The following FEM1C variants were observed in gnomAD, a reference collection of about 807,000 sequenced individuals.
FEM1C encodes fem-1 homolog C.
Under a neutral mutation model 37.6 loss-of-function variants are expected in FEM1C, and 15 were observed. The observed-to-expected ratio is 0.40, with a 90% CI of 0.27 to 0.61. The LOEUF is 0.61. FEM1C is among the 20% of genes least tolerant of loss of function. The probability of loss-of-function intolerance (pLI) is 0.42; values close to 1 mark genes in which losing one functional copy is unlikely to be tolerated. For synonymous variants in FEM1C, 287 were observed against 272.8 expected (o/e 1.05, Z -0.51); for missense variants, 532 against 749.7 (o/e 0.71, Z 3.39).
At chr5:115,529,176 T>TAA in intron 2 of FEM1C, among the ~76,000 whole-genome samples, 1 of 152,196 alleles carries the variant, frequency 6.6e-6, no homozygotes, top group African/African-American at 2.4e-5. Flanking sequence ...GATGAAAGCT[T>TAA]AAACTGCAAA....
At chr5:115,527,880 A>G (rs780020074) in intron 2 of FEM1C, among the ~76,000 whole-genome samples, 1 of 151,856 alleles carries the variant, frequency 6.6e-6, no homozygotes, top group Non-Finnish European at 1.5e-5. Context: ...ACGCGCCTGT[A>G]GTCCCAGCTA....
At chr5:115,533,954 AT>A (rs890836376) in intron 2 of FEM1C, among the ~76,000 whole-genome samples, 53 of 151,988 alleles carry the variant, frequency 3.5e-4, no homozygotes, top group African/African-American at 1.3e-3. Context: ...AAAAAAAAAA[AT>A]TTCATGATTT....
At position 115,525,097 on chromosome 5, in the gene FEM1C, T is replaced by A; in HGVS notation, c.1065A>T (p.Lys355Asn). 5 of 1,613,822 alleles carry A rather than the reference T, an allele frequency of 3.1e-6. No homozygotes were observed. The highest frequency in any genetic ancestry group is 4.2e-6 in the Non-Finnish European group (5 of 1,179,850). The change falls in exon 3 of 3, where the codon AAA becomes AAT. Residue 355 changes from lysine (K) to asparagine (N), a missense_variant. By Grantham distance (94) the Lys-to-Asn change is moderately conservative. Around this residue, in one of 3 missense-constraint regions of FEM1C, gnomAD observed 221 missense variants for 404.1 expected, o/e 0.55. Coordinates refer to ENST00000274457, the MANE Select transcript of FEM1C (RefSeq NM_020177.3). ...CATACTTCCATAGGTTGATGCATCG[T>A]TTGAAATTTCCAGAGTCTGCATAGA... ...GAVYADSGNFKRCINLWKYAL... is the reference protein window; with the variant it reads ...GAVYADSGNFNRCINLWKYAL...
chr5:115,542,196 T>C (rs1754256221), intron 2 of FEM1C, among the ~76,000 whole-genome samples: 2 of 152,198 alleles, frequency 1.3e-5, no homozygotes, highest in South Asian at 4.1e-4. Flanking sequence ...TTTAGTTTAT[T>C]ACAATCAACA....
chr5:115,530,581 G>C (rs1400245723), intron 2 of FEM1C, among the ~76,000 whole-genome samples: 2 of 152,048 alleles, frequency 1.3e-5, no homozygotes, highest in African/African-American at 4.8e-5. Flanking sequence ...TTTGCCCCCA[G>C]GGATACAGGG....
At position 115,544,708 on chromosome 5, in the gene FEM1C, C is replaced by G. The variant is rs1448342952; in HGVS notation, c.-376G>C. ...GCGCTGTTCGCCACGCCCCGCCACC[C>G]GAGCTGCCTCCCGCCCTTAGTCGGC... is the stretch of plus-strand genomic sequence containing the variant. On this transcript the variant is annotated 5_prime_UTR_variant, in exon 1 of 3. Transcript: ENST00000274457. The G allele has an allele frequency of 2.0e-5, 3 of 153,184 alleles. No individual in the cohort carries two copies. Among genetic ancestry groups the G allele is most frequent in the Non-Finnish European group, 2.9e-5 (2 of 68,796 alleles). The allele number at this position is 153,184 out of a possible 1,614,324, so 9.5% of individuals were successfully genotyped here.
At chr5:115,544,383 C>G (rs550470310) in intron 1 of FEM1C, 140 bp downstream of exon 1, 1 of 158,872 alleles carries the variant, frequency 6.3e-6, no homozygotes, top group South Asian at 2.0e-4. Context: ...CGACCACAAC[C>G]CCCTCCCGAT....
At chr5:115,527,120 G>A (rs758530833) in intron 2 of FEM1C, among the ~76,000 whole-genome samples, 20 of 152,056 alleles carry the variant, frequency 1.3e-4, no homozygotes, top group African/African-American at 3.4e-4. Context: ...CTTCACCTGC[G>A]GCTTTACCCC....
At chr5:115,544,215 G>C (rs1554089872) in intron 1 of FEM1C, 1 of 979,438 alleles carries the variant, frequency 1.0e-6, no homozygotes, top group Non-Finnish European at 1.2e-6. Context: ...CAGGAAATCC[G>C]CCTGCCTTTT....
rs1753783501 is a variant in FEM1C at position 115,521,886 on chromosome 5, T to C, written c.*2422A>G. On this transcript the variant is annotated 3_prime_UTR_variant, in exon 3 of 3. Coordinates refer to ENST00000274457, the MANE Select transcript of FEM1C (RefSeq NM_020177.3). ...TCAGGGACAATTTTGAGCTATTAAA[T>C]TAACTGGTTTTTCAAAACCTCCCAA... 6.6e-6 allele frequency: 1 copy of C among 151,910 alleles called. No homozygotes were observed. The highest frequency in any genetic ancestry group is 1.5e-5 in the Non-Finnish European group (1 of 67,852). The allele number at this position is 151,910 out of a possible 1,614,324, so 9.4% of individuals were successfully genotyped here.
intron 2 of FEM1C, among the ~76,000 whole-genome samples, chr5:115,529,151 G>A (rs868422261): frequency 6.1e-4 from 93 of 151,984 alleles, no homozygotes; most frequent in African/African-American, 1.9e-3. Flanking sequence ...TAAAGTCCAA[G>A]AATTTTCAGA....
chr5:115,541,992 CTGTT>C (rs896947627), intron 2 of FEM1C, among the ~76,000 whole-genome samples: 2 of 152,188 alleles, frequency 1.3e-5, no homozygotes, highest in East Asian at 3.9e-4. Flanking sequence ...CCAATTTACA[CTGTT>C]TGATTTTTTT....
intron 1 of FEM1C, 50 bp from the exon 2 acceptor site, chr5:115,543,733 G>A (rs1754292635): frequency 1.2e-5 from 16 of 1,307,924 alleles, no homozygotes; most frequent in Non-Finnish European, 1.6e-5. Context: ...ATAGAAGAAG[G>A]CAAAACACTT....
At chr5:115,534,673 T>C (rs115066776) in intron 2 of FEM1C, among the ~76,000 whole-genome samples, 52 of 152,116 alleles carry the variant, frequency 3.4e-4, no homozygotes, top group Non-Finnish European at 6.9e-4. Context: ...GCAAAATATT[T>C]AACAAACACA....
rs79860897 is a variant in FEM1C at position 115,540,301 on chromosome 5, C to T, written c.544+2649G>A. ...AACATGTACTTTAATCTGCCCCCAA[C>T]ATTCATGAAGAATCACTATGGAAAT... On this transcript the variant is annotated intron_variant, in intron 2 of 2. Coordinates refer to ENST00000274457, the MANE Select transcript of FEM1C (RefSeq NM_020177.3). Among the ~76,000 whole-genome samples the T allele has an allele frequency of 4.5e-3, 681 of 152,146 alleles. 9 individuals are homozygous for T. Among genetic ancestry groups the T allele is most frequent in the African/African-American group, 0.015 (635 of 41,526 alleles).
At chr5:115,535,941 A>G (rs1288655478) in intron 2 of FEM1C, among the ~76,000 whole-genome samples, 1 of 152,040 alleles carries the variant, frequency 6.6e-6, no homozygotes, top group Admixed American at 6.6e-5. Flanking sequence ...AAAACATTAC[A>G]CTAAGTAACA....
chr5:115,542,130 C>A (rs1228187759), intron 2 of FEM1C, among the ~76,000 whole-genome samples: 1 of 152,074 alleles, frequency 6.6e-6, no homozygotes, highest in African/African-American at 2.4e-5. Context: ...CAAAATTATG[C>A]TATCAAGGCA....
At chr5:115,539,795 G>A (rs1754202469) in intron 2 of FEM1C, among the ~76,000 whole-genome samples, 2 of 152,018 alleles carry the variant, frequency 1.3e-5, no homozygotes, top group Non-Finnish European at 2.9e-5. Context: ...TAACAGCCTG[G>A]CACACTGCGG....
At chr5:115,536,450 G>A (rs1441186834) in intron 2 of FEM1C, among the ~76,000 whole-genome samples, 2 of 151,680 alleles carry the variant, frequency 1.3e-5, no homozygotes, top group Admixed American at 1.3e-4. Flanking sequence ...GTACAGAGGT[G>A]GTCCACTTGT....
Sources: gnomAD v4.1 joint callset for allele counts (sites outside exome capture counted in the v4.1 genomes callset) on GRCh38, gnomAD v4.1.1 for gene constraint, gnomAD v4.1.1 regional missense constraint, MANE v1.5 for transcripts, NCBI Gene and HGNC (gene_info 2026-07-23, HGNC 2026-07-21) for gene names.